The following ZNF69 variants were observed in gnomAD, a reference collection of about 807,000 sequenced individuals.
The protein encoded by ZNF69 is zinc finger protein 69.
A neutral mutation model predicts 50.9 loss-of-function variants in ZNF69; 47 were observed. The ratio of observed to expected loss-of-function variants is 0.92; its 90% CI spans 0.73 to 1.18. ZNF69 has a LOEUF of 1.18. Ranked by LOEUF, ZNF69 falls within the 50% of genes most tolerant of loss-of-function variation. The pLI, the probability that ZNF69 is intolerant of heterozygous loss-of-function variation, is 0.00. For missense variants in ZNF69, 717 were observed against 675.1 expected (o/e 1.06, Z -0.69); for synonymous variants, 216 against 223.1 (o/e 0.97, Z 0.29).
chr19:11,922,296 G>A, the ZNF69 span, among the ~76,000 whole-genome samples: 1 of 152,188 alleles, frequency 6.6e-6, no homozygotes, highest in Non-Finnish European at 1.5e-5. Flanking sequence ...TAGATTACAT[G>A]ACCTGTCACT....
At chr19:11,908,435 C>T (rs1421084959), downstream of ZNF69, among the ~76,000 whole-genome samples, 1 of 152,206 alleles carries the variant, frequency 6.6e-6, no homozygotes, top group Admixed American at 6.5e-5. Flanking sequence ...AAGCACTCCT[C>T]AGCAAATGTA....
At chr19:11,945,715 C>T in the ZNF69 span, among the ~76,000 whole-genome samples, 25 of 152,018 alleles carry the variant, frequency 1.6e-4, no homozygotes, top group Non-Finnish European at 2.9e-4. Flanking sequence ...CTTCATTCCT[C>T]CTCCTGGGGG....
chr19:11,944,836 G>C, the ZNF69 span, among the ~76,000 whole-genome samples: 1 of 152,204 alleles, frequency 6.6e-6, no homozygotes, highest in Non-Finnish European at 1.5e-5. Flanking sequence ...GTGAGATGTA[G>C]AAGTACCGGC....
chr19:11,921,215 C>T, the ZNF69 span, among the ~76,000 whole-genome samples: 2 of 152,032 alleles, frequency 1.3e-5, no homozygotes, highest in Non-Finnish European at 2.9e-5. Flanking sequence ...GCTCTGTTTC[C>T]CAGGCTAGAG....
chr19:11,962,172 C>T, the ZNF69 span, among the ~76,000 whole-genome samples: 1 of 151,616 alleles, frequency 6.6e-6, no homozygotes, highest in African/African-American at 2.4e-5. Context: ...AATCCCAGCA[C>T]TTGGGAGGCT....
chr19:11,947,750 A>G, the ZNF69 span, among the ~76,000 whole-genome samples: 1 of 152,258 alleles, frequency 6.6e-6, no homozygotes, highest in Non-Finnish European at 1.5e-5. Context: ...TCACTCCTGT[A>G]ATCCCAGTCC....
chr19:11,915,514 C>T (rs568235865), downstream of ZNF69, among the ~76,000 whole-genome samples: 1 of 152,202 alleles, frequency 6.6e-6, no homozygotes, highest in Non-Finnish European at 1.5e-5. Flanking sequence ...CACTGGAGCA[C>T]AGGCCCAAAG....
rs183371834 is a variant in ZNF69 at position 11,906,542 on chromosome 19, C to A, written c.*444C>A. 8.2e-3 allele frequency among the ~76,000 whole-genome samples: 1,247 copies of A among 152,338 alleles called. 52 individuals carry two copies. Among genetic ancestry groups the A allele is most frequent in the Admixed American group, 0.07 (1,074 of 15,298 alleles). On this transcript the variant is annotated 3_prime_UTR_variant, in exon 4 of 4. Transcript: ENST00000429654. ...AATATTTGCTGTTCTGCAGCCCCTG[C>A]TGGTGATACCCAGGCAAACAGGGTC...
downstream of ZNF69, among the ~76,000 whole-genome samples, chr19:11,917,789 C>CTTTTTTTTT (rs74965943): frequency 5.4e-5 from 6 of 110,678 alleles, no homozygotes; most frequent in Admixed American, 9.8e-5. Context: ...CCACACCCTG[C>CTTTTTTTTT]TTTTTTTTTT....
the ZNF69 span, chr19:11,978,961 G>T: frequency 6.2e-7 from 1 of 1,614,192 alleles, no homozygotes; most frequent in East Asian, 2.2e-5. Context: ...AAGGAATGTA[G>T]AAAAGCATTC....
the ZNF69 span, among the ~76,000 whole-genome samples, chr19:11,963,774 T>G: frequency 6.6e-6 from 1 of 152,024 alleles, no homozygotes; most frequent in Non-Finnish European, 1.5e-5. Flanking sequence ...GGGCCCTAGA[T>G]CCGCGCTGCT....
intron 1 of ZNF69, among the ~76,000 whole-genome samples, chr19:11,897,115 A>T (rs1166321509): frequency 1.3e-5 from 2 of 152,198 alleles, no homozygotes; most frequent in Non-Finnish European, 2.9e-5. Context: ...TGGGAGGCTG[A>T]GGTGGGTGGA....
chr19:11,924,427 G>A, the ZNF69 span, among the ~76,000 whole-genome samples: 1 of 118,226 alleles, frequency 8.5e-6, no homozygotes, highest in East Asian at 2.2e-4. Context: ...GCAAGACTCC[G>A]TCTCAAAAAA....
At chr19:11,929,301 T>C in the ZNF69 span, among the ~76,000 whole-genome samples, 1 of 148,070 alleles carries the variant, frequency 6.8e-6, no homozygotes, top group Non-Finnish European at 1.5e-5. Flanking sequence ...GTAGTTGGGA[T>C]TACAGACATG....
chr19:11,960,485 G>A, the ZNF69 span, among the ~76,000 whole-genome samples: 6 of 152,040 alleles, frequency 3.9e-5, no homozygotes, highest in South Asian at 1.3e-3. Context: ...TAGAGACAGG[G>A]GTCTCAGTGT....
At chr19:11,903,154 G>A (rs113364140) in intron 1 of ZNF69, among the ~76,000 whole-genome samples, 3 of 152,016 alleles carry the variant, frequency 2.0e-5, no homozygotes, top group African/African-American at 7.2e-5. Context: ...ACAACTGCTG[G>A]CCAGGCCTGG....
the ZNF69 span, among the ~76,000 whole-genome samples, chr19:11,967,012 C>G: frequency 1.3e-5 from 2 of 152,130 alleles, no homozygotes; most frequent in Admixed American, 6.6e-5. Flanking sequence ...CAAGACAAGT[C>G]GCAATGTACA....
At chr19:11,888,134 C>G in intron 1 of ZNF69, 148 bp downstream of exon 1, 1 of 637,690 alleles carries the variant, frequency 1.6e-6, no homozygotes, top group Non-Finnish European at 2.6e-6. Context: ...TCGGTCCCCT[C>G]GACTGCTCGG....
the ZNF69 span, chr19:11,965,338 G>A: frequency 3.7e-6 from 5 of 1,350,160 alleles, no homozygotes; most frequent in African/African-American, 7.3e-5. Flanking sequence ...TCCTCCTGGA[G>A]CTGCTCGGCC....
Sources: allele counts gnomAD v4.1 joint callset (sites outside exome capture counted in the v4.1 genomes callset), GRCh38; gene constraint gnomAD v4.1.1; transcripts MANE v1.5; gene names NCBI Gene and HGNC (gene_info 2026-07-23, HGNC 2026-07-21).